PLD5: variants seen among roughly 807,000 people sequenced by gnomAD.
The protein encoded by PLD5 is phospholipase D family member 5, also known as inactive phospholipase D5.
A neutral mutation model predicts 61.1 loss-of-function variants in PLD5; 36 were observed. That is an observed-to-expected ratio of 0.59 (90% confidence interval 0.45 to 0.78). PLD5 has a LOEUF of 0.78. Among genes scored for constraint, PLD5 ranks in the 30% least tolerant of loss-of-function variants. PLD5 has a pLI of 0.00. For missense variants in PLD5, 515 were observed against 644.4 expected (o/e 0.80, Z 2.17); for synonymous variants, 243 against 242.8 (o/e 1.00, Z -0.01).
At chr1:242,227,352 A>G (rs1462042668) in intron 4 of PLD5, among the ~76,000 whole-genome samples, 1 of 151,782 alleles carries the variant, frequency 6.6e-6, no homozygotes, top group Admixed American at 6.6e-5. Context: ...CCTGGCCTCA[A>G]CACTGCTCTG....
chr1:242,306,436 A>G (rs1484347332), intron 2 of PLD5, among the ~76,000 whole-genome samples: 3 of 152,128 alleles, frequency 2.0e-5, no homozygotes, highest in Non-Finnish European at 4.4e-5. Context: ...TTCCCTGTGG[A>G]TTACACGGAT....
intron 3 of PLD5, among the ~76,000 whole-genome samples, chr1:242,284,129 T>C (rs1391431144): frequency 8.4e-6 from 1 of 118,984 alleles, no homozygotes; most frequent in South Asian, 3.1e-4. Context: ...CTTTTTTTTT[T>C]TTTTTTTTTT....
At position 242,203,037 on chromosome 1, in the gene PLD5, CAACT is replaced by C. The variant is rs1489870630; in HGVS notation, c.735+16947_735+16950del. ...GCAGCAACTAGCTCAGAAAGCCAAC[CAACT>C]ATCTGCAGCAATGATTCCAGAAAGC... On this transcript the variant is annotated intron_variant, in intron 5 of 9. Transcript: ENST00000536534. Among the ~76,000 whole-genome samples, 12 of 152,258 alleles carry C rather than the reference CAACT, an allele frequency of 7.9e-5. No homozygotes were observed. The East Asian group carries it at 9.7e-4, about 12-fold the overall frequency.
intron 5 of PLD5, among the ~76,000 whole-genome samples, chr1:242,191,314 G>A (rs991877720): frequency 1.3e-5 from 2 of 152,070 alleles, no homozygotes; most frequent in Non-Finnish European, 2.9e-5. Context: ...GGCCAGGCAC[G>A]GTGGCTCATG....
chr1:242,172,471 G>C (rs1384555277), intron 5 of PLD5, among the ~76,000 whole-genome samples: 1 of 152,090 alleles, frequency 6.6e-6, no homozygotes, highest in Non-Finnish European at 1.5e-5. Context: ...AAAAGAACTA[G>C]AGAAGCAAGA....
At chr1:242,501,283 A>C (rs1471760926) in intron 1 of PLD5, among the ~76,000 whole-genome samples, 1 of 152,370 alleles carries the variant, frequency 6.6e-6, no homozygotes, top group East Asian at 1.9e-4. Flanking sequence ...TCTCATCACC[A>C]GTGCTTTAAG....
intron 3 of PLD5, among the ~76,000 whole-genome samples, chr1:242,286,419 TA>T (rs1474660700): frequency 2.0e-5 from 3 of 152,136 alleles, no homozygotes; most frequent in Non-Finnish European, 2.9e-5. Context: ...CAGCAAACCA[TA>T]AAGATTCTTC....
intron 4 of PLD5, among the ~76,000 whole-genome samples, chr1:242,240,065 A>G (rs2149058017): frequency 6.6e-6 from 1 of 152,342 alleles, no homozygotes; most frequent in East Asian, 1.9e-4. Context: ...CACTGTTCTT[A>G]ACTGTCAACC....
At chr1:242,435,366 C>A (rs1572146417) in intron 1 of PLD5, among the ~76,000 whole-genome samples, 1 of 149,420 alleles carries the variant, frequency 6.7e-6, no homozygotes, top group South Asian at 2.1e-4. Flanking sequence ...TTTTTGTGAT[C>A]TATTAGAATG....
At chr1:242,228,744 G>A (rs1405644465) in intron 4 of PLD5, among the ~76,000 whole-genome samples, 1 of 151,796 alleles carries the variant, frequency 6.6e-6, no homozygotes, top group African/African-American at 2.4e-5. Context: ...AGGAAGAGGA[G>A]CACCAGGAGA....
At chr1:242,269,106 G>T (rs1673893824) in intron 3 of PLD5, among the ~76,000 whole-genome samples, 1 of 152,062 alleles carries the variant, frequency 6.6e-6, no homozygotes, top group Non-Finnish European at 1.5e-5. Flanking sequence ...GCCTCCCAAA[G>T]TTCTGGGATT....
chr1:242,193,885 A>G (rs1417923830), intron 5 of PLD5, among the ~76,000 whole-genome samples: 2 of 152,226 alleles, frequency 1.3e-5, no homozygotes, highest in Non-Finnish European at 2.9e-5. Context: ...ATTGACAGGG[A>G]TGATTATCCT....
rs982546201 is a variant in PLD5, at chr1:242,256,636, G to A, written c.607+8701C>T. On this transcript the variant is annotated intron_variant, in intron 4 of 9. Transcript: ENST00000536534. The surrounding 1 kb of genome is among the most constrained non-coding windows in gnomAD (Gnocchi z 5.7). ...GCTCTCAGCAGACACTGAACCTGCT[G>A]GTGCCTTGATCTTAAACTTCCAGAC... Among the ~76,000 whole-genome samples the A allele has an allele frequency of 2.6e-5, 4 of 152,158 alleles. No individual in the cohort carries two copies. Among genetic ancestry groups the A allele is most frequent in the Non-Finnish European group, 4.4e-5 (3 of 68,018 alleles).
At chr1:242,401,098 C>T (rs776692387) in intron 1 of PLD5, among the ~76,000 whole-genome samples, 1 of 152,274 alleles carries the variant, frequency 6.6e-6, no homozygotes, top group Non-Finnish European at 1.5e-5. Flanking sequence ...TGTTCTTCCT[C>T]CCATTGTCCC....
chr1:242,183,385 C>T (rs1442798622), intron 5 of PLD5, among the ~76,000 whole-genome samples: 2 of 152,124 alleles, frequency 1.3e-5, no homozygotes, highest in Non-Finnish European at 2.9e-5. Flanking sequence ...CACATGGCTA[C>T]CATAATGTAT....
chr1:242,181,508 T>C (rs1046593287), intron 5 of PLD5, among the ~76,000 whole-genome samples: 1 of 152,154 alleles, frequency 6.6e-6, no homozygotes, highest in Admixed American at 6.5e-5. Context: ...TAGCATAACA[T>C]ACATGGTCTC....
chr1:242,205,964 G>T (rs1427008529), intron 5 of PLD5, among the ~76,000 whole-genome samples: 1 of 152,216 alleles, frequency 6.6e-6, no homozygotes, highest in African/African-American at 2.4e-5. Flanking sequence ...GACCTCAACT[G>T]CAGGAAGACC....
At chr1:242,148,508 T>C (rs1001384528) in intron 5 of PLD5, among the ~76,000 whole-genome samples, 3 of 151,948 alleles carry the variant, frequency 2.0e-5, no homozygotes, top group Non-Finnish European at 2.9e-5. Context: ...AATCCATTTG[T>C]CAATTTTTGT....
rs142941108 is a variant in PLD5, at chr1:242,145,980, G to A, written c.736-21315C>T. ...CGTGAGCCACCACACCCTGTCATTT[G>A]CCAATTTACTTAAAAGTACATAGGA... On this transcript the variant is annotated intron_variant, in intron 5 of 9. Coordinates refer to ENST00000536534, the MANE Select transcript of PLD5 (RefSeq NM_001372062.1). Among the ~76,000 whole-genome samples the A allele has an allele frequency of 4.7e-3, 710 of 152,268 alleles. 3 individuals carry two copies. Among genetic ancestry groups the A allele is most frequent in the Non-Finnish European group, 7.9e-3 (536 of 68,018 alleles).
Sources: allele counts gnomAD v4.1 joint callset (sites outside exome capture counted in the v4.1 genomes callset), GRCh38; gene constraint gnomAD v4.1.1; non-coding constraint Gnocchi (gnomAD v3.1); transcripts MANE v1.5; gene names NCBI Gene and HGNC (gene_info 2026-07-23, HGNC 2026-07-21).